The following R3HDM1 variants were observed in gnomAD, a reference collection of about 807,000 sequenced individuals.
The protein encoded by R3HDM1 is R3H domain-containing protein 1.
Under a neutral mutation model 141.1 loss-of-function variants are expected in R3HDM1, and 46 were observed. The ratio of observed to expected loss-of-function variants is 0.33; its 90% confidence interval spans 0.26 to 0.42. R3HDM1 has a LOEUF of 0.42. Ranked by LOEUF, R3HDM1 falls within the 10% of genes least tolerant of loss-of-function variation. R3HDM1 has a pLI of 1.00. For missense variants in R3HDM1, 1,184 were observed against 1,368.3 expected (o/e 0.87, Z 2.12); for synonymous variants, 435 against 472.9 (o/e 0.92, Z 1.04).
chr2:135,611,963 G>A (rs1268716420), intron 3 of R3HDM1, among the ~76,000 whole-genome samples: 1 of 152,104 alleles, frequency 6.6e-6, no homozygotes, highest in Admixed American at 6.5e-5. Flanking sequence ...TTATTATAAG[G>A]AATAACTATA....
intron 21 of R3HDM1, among the ~76,000 whole-genome samples, chr2:135,685,117 A>G (rs1467573289): frequency 1.3e-5 from 2 of 152,178 alleles, no homozygotes; most frequent in African/African-American, 4.8e-5. Flanking sequence ...ATACTAGTAT[A>G]AAACATCCTG....
Position 135,647,110 on chromosome 2 carries a change from C to T in R3HDM1, c.1623+1583C>T, listed in dbSNP as rs142821620. Reference sequence around the variant, plus strand: ...GAAGAACTTACAAGTTATGGATATACTTCTAAGACCATAGAAATCAGTTAA... The same window carrying T: ...GAAGAACTTACAAGTTATGGATATATTTCTAAGACCATAGAAATCAGTTAA... On this transcript the variant is annotated intron_variant, in intron 16 of 26. Transcript: ENST00000683871. Among the ~76,000 whole-genome samples, 19 of 152,268 alleles carry T rather than the reference C, an allele frequency of 1.2e-4. No individual in the cohort carries two copies. The East Asian group carries it at 3.5e-3, about 28-fold the overall frequency.
In R3HDM1 at chr2:135,680,183, C is replaced by T; in HGVS notation, c.2318C>T (p.Pro773Leu). 1.2e-6 allele frequency: 2 copies of T among 1,613,390 alleles called. No homozygotes were observed. Among genetic ancestry groups the T allele is most frequent in the Non-Finnish European group, 1.7e-6 (2 of 1,179,686 alleles). ...TSVPTYQVSL[P>L]QGSQGIPHQT... ...TCTTTCAAATTTTAGGTTTCACTGC[C>T]TCAAGGTTCTCAAGGAATTCCCCAT... is the stretch of plus-strand genomic sequence containing the variant. The change falls in exon 21 of 27, where the codon CCT (proline) becomes CTT (leucine). Residue 773 changes from proline (P) to leucine (L), a missense_variant. By Grantham distance (98) the Pro-to-Leu change is moderately conservative (BLOSUM62 -3). Around this residue, in one of 5 missense-constraint regions of R3HDM1, gnomAD observed 563 missense variants for 562.0 expected, o/e 1.00. Coordinates refer to ENST00000683871, the MANE Select transcript of R3HDM1 (RefSeq NM_001378107.1).
intron 21 of R3HDM1, among the ~76,000 whole-genome samples, chr2:135,699,752 A>G (rs1027262818): frequency 6.6e-6 from 1 of 152,250 alleles, no homozygotes; most frequent in Admixed American, 6.5e-5. Flanking sequence ...AGCTTATTAT[A>G]TAGAACATTT....
At chr2:135,547,289 G>A (rs970792235) in intron 1 of R3HDM1, among the ~76,000 whole-genome samples, 25 of 152,012 alleles carry the variant, frequency 1.6e-4, no homozygotes, top group African/African-American at 4.6e-4. Flanking sequence ...AGTATGGTGG[G>A]TCTGCATTTG....
chr2:135,560,475 G>A (rs184987953), intron 1 of R3HDM1, among the ~76,000 whole-genome samples: 123 of 152,060 alleles, frequency 8.1e-4, no homozygotes, highest in Middle Eastern at 3.4e-3. Flanking sequence ...CACCACATCC[G>A]GCTAATTTTT....
intron 26 of R3HDM1, among the ~76,000 whole-genome samples, chr2:135,723,504 C>T (rs1462008896): frequency 6.6e-6 from 1 of 151,736 alleles, no homozygotes; most frequent in Non-Finnish European, 1.5e-5. Context: ...GGATGCAGTG[C>T]CTCATGCCTG....
Position 135,559,635 on chromosome 2 carries a change from A to T in R3HDM1, c.-250+28002A>T, listed in dbSNP as rs113308211. On this transcript the variant is annotated intron_variant, in intron 1 of 26. Transcript: ENST00000683871. The stretch of plus-strand genomic sequence containing the variant: ...ATACTTGGGCTGAGCCCCTTGGACC[A>T]TCTCATTTCCCTCCTTCCTGCAGTA... Among the ~76,000 whole-genome samples, 248 of 152,338 alleles carry T rather than the reference A, an allele frequency of 1.6e-3. 4 individuals carry two copies. The highest frequency in any genetic ancestry group is 5.5e-3 in the African/African-American group (229 of 41,570).
intron 1 of R3HDM1, 145 bp from the exon 2 acceptor site, chr2:135,602,355 T>C: frequency 2.1e-6 from 1 of 475,878 alleles, no homozygotes; most frequent in Non-Finnish European, 3.3e-6. Flanking sequence ...TTAGAATTCA[T>C]TGTTACTCAG....
chr2:135,648,908 T>C (rs1016610904), intron 16 of R3HDM1, among the ~76,000 whole-genome samples: 9 of 140,852 alleles, frequency 6.4e-5, no homozygotes, highest in Non-Finnish European at 1.0e-4. Flanking sequence ...TCCTAACATG[T>C]ACTATCTTAA....
chr2:135,595,328 T>C (rs1446984741), intron 1 of R3HDM1, among the ~76,000 whole-genome samples: 3 of 152,224 alleles, frequency 2.0e-5, no homozygotes, highest in African/African-American at 7.2e-5. Flanking sequence ...ACCACTCATG[T>C]ATTGAATTGG....
At chr2:135,550,155 G>T (rs966097174) in intron 1 of R3HDM1, 1 of 983,570 alleles carries the variant, frequency 1.0e-6, no homozygotes, top group Non-Finnish European at 1.2e-6. Context: ...TATGTTACAC[G>T]AACTATTTTT....
intron 1 of R3HDM1, among the ~76,000 whole-genome samples, chr2:135,597,886 G>C (rs1411828455): frequency 6.6e-6 from 1 of 152,128 alleles, no homozygotes; most frequent in Non-Finnish European, 1.5e-5. Flanking sequence ...TGTGAAATTT[G>C]AGTATTTATT....
At chr2:135,561,418 T>A (rs1258498692) in intron 1 of R3HDM1, 1 of 863,272 alleles carries the variant, frequency 1.2e-6, no homozygotes, top group Non-Finnish European at 1.4e-6. Flanking sequence ...AATGACATTT[T>A]AAAAAATGTT....
At chr2:135,683,159 TTGAA>T (rs1373407853) in intron 21 of R3HDM1, among the ~76,000 whole-genome samples, 1 of 152,162 alleles carries the variant, frequency 6.6e-6, no homozygotes, top group African/African-American at 2.4e-5. Context: ...ATGTGAGAAA[TTGAA>T]TGAGTTGTAC....
At chr2:135,706,746 G>C (rs2074978649) in intron 21 of R3HDM1, among the ~76,000 whole-genome samples, 1 of 152,212 alleles carries the variant, frequency 6.6e-6, no homozygotes, top group Non-Finnish European at 1.5e-5. Flanking sequence ...TCTTAGTATA[G>C]AACAAAATGA....
intron 1 of R3HDM1, among the ~76,000 whole-genome samples, chr2:135,560,959 G>T (rs186245467): frequency 1.3e-5 from 2 of 152,308 alleles, no homozygotes; most frequent in African/African-American, 4.8e-5. Flanking sequence ...TGTTCTTAGT[G>T]CAAGGGACAT....
At chr2:135,662,847 A>AT (rs1032829626) in intron 19 of R3HDM1, among the ~76,000 whole-genome samples, 70 of 152,084 alleles carry the variant, frequency 4.6e-4, no homozygotes, top group African/African-American at 1.7e-3. Context: ...TTTTTTCTTG[A>AT]TTTTTTTCTT....
At chr2:135,607,048 G>C (rs987416583) in intron 3 of R3HDM1, among the ~76,000 whole-genome samples, 29 of 152,076 alleles carry the variant, frequency 1.9e-4, no homozygotes, top group African/African-American at 7.0e-4. Flanking sequence ...GAGTGTAGTG[G>C]CGCAACCTTG....
Sources: gnomAD v4.1 joint callset for allele counts (sites outside exome capture counted in the v4.1 genomes callset) on GRCh38, gnomAD v4.1.1 for gene constraint, gnomAD v4.1.1 regional missense constraint, MANE v1.5 for transcripts, NCBI Gene and HGNC (gene_info 2026-07-23, HGNC 2026-07-21) for gene names.